HNF4G: variants seen among roughly 807,000 people sequenced by gnomAD.
HNF4G encodes hepatocyte nuclear factor 4 gamma.
In HNF4G, 21 loss-of-function variants were observed where a neutral mutation model predicts 50.9. The observed-to-expected ratio is 0.41, with a 90% CI of 0.29 to 0.59. The LOEUF (loss-of-function observed/expected upper bound fraction) is 0.59, where lower values mean the gene tolerates loss of function less well. Among genes scored for constraint, HNF4G ranks in the 20% least tolerant of loss-of-function variants. The pLI is 0.26. For missense variants in HNF4G, 527 were observed against 559.4 expected, an observed-to-expected ratio of 0.94 and a Z score of 0.58; for synonymous variants, 198 against 185.6, an observed-to-expected ratio of 1.07 and a Z score of -0.54.
chr8:75,558,295 C>T (rs1049998536), intron 6 of HNF4G, among the ~76,000 whole-genome samples: 3 of 152,100 alleles, frequency 2.0e-5, no homozygotes, highest in African/African-American at 4.8e-5. Flanking sequence ...AGTGACTGAT[C>T]CCGTTAAAAT....
At chr8:75,425,358 A>G (rs1281514988) in intron 1 of HNF4G, among the ~76,000 whole-genome samples, 3 of 151,594 alleles carry the variant, frequency 2.0e-5, no homozygotes, top group African/African-American at 7.3e-5. Flanking sequence ...TGCTAAGATT[A>G]CAGGTGTGAG....
intron 2 of HNF4G, among the ~76,000 whole-genome samples, chr8:75,515,425 T>C (rs552111222): frequency 4.1e-4 from 63 of 152,156 alleles, no homozygotes; most frequent in African/African-American, 1.5e-3. Flanking sequence ...GACACATACA[T>C]ATATATTCAT....
chr8:75,467,960 TG>T (rs907750903), intron 1 of HNF4G, among the ~76,000 whole-genome samples: 11 of 152,118 alleles, frequency 7.2e-5, no homozygotes, highest in African/African-American at 2.2e-4. Context: ...CACTGCTGTA[TG>T]TTGTTTTCTT....
At chr8:75,512,518 G>A (rs1053772160) in intron 2 of HNF4G, among the ~76,000 whole-genome samples, 10 of 151,616 alleles carry the variant, frequency 6.6e-5, no homozygotes, top group African/African-American at 2.4e-4. Flanking sequence ...AGGCTGGAGT[G>A]CAGTGGTGCA....
intron 1 of HNF4G, among the ~76,000 whole-genome samples, chr8:75,469,321 T>C (rs1812061990): frequency 6.6e-6 from 1 of 152,102 alleles, no homozygotes; most frequent in Non-Finnish European, 1.5e-5. Context: ...CTTTGTAAAA[T>C]TACATAGCAC....
rs994673221 is a variant in HNF4G, at chr8:75,555,988, C to G, written c.652C>G (p.Leu218Val). Reference sequence around the variant, plus strand: ...CTGAGAATTTTTCATTAAGGTGGCACTGTTGAGAGCTCACGCAGGGGAGCA... The same window carrying G: ...CTGAGAATTTTTCATTAAGGTGGCAGTGTTGAGAGCTCACGCAGGGGAGCA... ...CELPLDDQVA[L>V]LRAHAGEHLL... Residue 218 changes from leucine (L) to valine (V), a missense_variant, in exon 6 of 10, where the codon CTG becomes GTG. This residue lies in a region of HNF4G where 308 missense variants were observed against 301.5 expected (regional missense o/e 1.02). Transcript: ENST00000396423. 2 of 1,529,222 alleles carry G rather than the reference C, an allele frequency of 1.3e-6. No homozygotes were observed. Among genetic ancestry groups the G allele is most frequent in the Admixed American group, 1.9e-5 (1 of 52,758 alleles). 94.7% of individuals were successfully genotyped at this position (1,529,222 alleles called of 1,614,324 possible). A position where few individuals can be genotyped will look rare whatever the true frequency, so the allele number is the denominator to read the frequency against.
rs371967823 is a variant in HNF4G, at chr8:75,500,835, G to A, written c.-24+10627G>A. On this transcript the variant is annotated intron_variant, in intron 2 of 10. Transcript: ENST00000354370. ...GAAAATTTAATAGAGAAAGAATATT[G>A]ATTAGTATTTTTCAGAGGCAAGGGG... is the stretch of plus-strand genomic sequence containing the variant. 3.3e-5 allele frequency among the ~76,000 whole-genome samples: 5 copies of A among 152,068 alleles called. No homozygotes were observed. In the South Asian group the frequency reaches 6.2e-4, roughly 19 times the overall value.
Position 75,496,804 on chromosome 8 carries a change from CTATA to C in HNF4G, c.-24+6610_-24+6613del, listed in dbSNP as rs71567120. On this transcript the variant is annotated intron_variant, in intron 2 of 10. Transcript: ENST00000354370. ...CGAAGCAGCATCAAATACATTATTA[CTATA>C]TATATATATATATGGCATTAAAATA... 2.0e-5 allele frequency among the ~76,000 whole-genome samples: 3 copies of C among 148,276 alleles called. No homozygotes were observed. In the South Asian group the frequency reaches 6.4e-4, roughly 31 times the overall value.
At chr8:75,551,608 C>CGGCGACCACCGAG in intron 4 of HNF4G, 114 bp downstream of exon 4, 2 of 602,044 alleles carry the variant, frequency 3.3e-6, no homozygotes, top group South Asian at 2.2e-5. Flanking sequence ...AAATAAGTTA[C>CGGCGACCACCGAG]ATCTACACAC....
intron 2 of HNF4G, among the ~76,000 whole-genome samples, chr8:75,504,826 G>A (rs1185741351): frequency 2.0e-5 from 3 of 152,032 alleles, no homozygotes; most frequent in Non-Finnish European, 4.4e-5. Flanking sequence ...TTATTTGTAA[G>A]TAACCCTGGG....
At position 75,454,962 on chromosome 8, in the gene HNF4G, C is replaced by T. The variant is rs536710918; in HGVS notation, c.-143-35127C>T. Among the ~76,000 whole-genome samples the T allele has an allele frequency of 3.8e-4, 58 of 152,070 alleles. No individual in the cohort carries two copies. In the Middle Eastern group the frequency reaches 0.01, roughly 27 times the overall value. On this transcript the variant is annotated intron_variant, in intron 1 of 10. Coordinates refer to the HNF4G transcript ENST00000354370. ...AAGAAACACACTATATAGAAACACA[C>T]GTATATATGTTAGCATTTTGGAAGG...
At chr8:75,476,967 A>T (rs1812256419) in intron 1 of HNF4G, among the ~76,000 whole-genome samples, 1 of 152,196 alleles carries the variant, frequency 6.6e-6, no homozygotes, top group Non-Finnish European at 1.5e-5. Context: ...AAGTATAAAC[A>T]TTTTGTTTAA....
intron 2 of HNF4G, among the ~76,000 whole-genome samples, chr8:75,494,177 G>A (rs1260568820): frequency 1.3e-5 from 2 of 152,040 alleles, no homozygotes; most frequent in Non-Finnish European, 2.9e-5. Flanking sequence ...AGAGAAGACA[G>A]TTAATGAGAT....
At chr8:75,443,023 G>A in intron 1 of HNF4G, among the ~76,000 whole-genome samples, 1 of 152,140 alleles carries the variant, frequency 6.6e-6, no homozygotes, top group South Asian at 2.1e-4. Flanking sequence ...ATGGTATTAG[G>A]AGGGTGGGGC....
chr8:75,554,951 A>G (rs1807069779), intron 5 of HNF4G, among the ~76,000 whole-genome samples: 1 of 152,186 alleles, frequency 6.6e-6, no homozygotes, highest in Admixed American at 6.6e-5. Flanking sequence ...CAGGAACAGC[A>G]TGTCCAAGGT....
intron 1 of HNF4G, among the ~76,000 whole-genome samples, chr8:75,409,731 C>G (rs1563495093): frequency 6.6e-6 from 1 of 152,034 alleles, no homozygotes; most frequent in Non-Finnish European, 1.5e-5. Flanking sequence ...TCGTGATCTG[C>G]CCGTCTTGAC....
At chr8:75,505,724 A>T (rs956805763) in intron 2 of HNF4G, among the ~76,000 whole-genome samples, 1 of 151,946 alleles carries the variant, frequency 6.6e-6, no homozygotes, top group Non-Finnish European at 1.5e-5. Flanking sequence ...GCAAATATAC[A>T]TATTCGGGAA....
At chr8:75,461,940 G>A (rs1000178759) in intron 1 of HNF4G, among the ~76,000 whole-genome samples, 14 of 143,926 alleles carry the variant, frequency 9.7e-5, no homozygotes, top group South Asian at 4.3e-4. Flanking sequence ...TTTTTTAGAT[G>A]GAGTTTTGCT....
chr8:75,443,310 A>G (rs1811331853), intron 1 of HNF4G, among the ~76,000 whole-genome samples: 1 of 152,192 alleles, frequency 6.6e-6, no homozygotes, highest in African/African-American at 2.4e-5. Context: ...AGGAACTAAG[A>G]CACTTAACTA....
Sources: allele counts gnomAD v4.1 joint callset (sites outside exome capture counted in the v4.1 genomes callset), GRCh38; gene constraint gnomAD v4.1.1; regional missense constraint gnomAD v4.1.1; transcripts MANE v1.5; gene names NCBI Gene and HGNC (gene_info 2026-07-23, HGNC 2026-07-21).